Variants in RNF152 observed in about 807,000 individuals in gnomAD.
RNF152 encodes E3 ubiquitin-protein ligase RNF152.
A neutral mutation model predicts 12.7 loss-of-function variants in RNF152; 11 were observed. The observed-to-expected ratio is 0.86, with a 90% confidence interval of 0.54 to 1.43. The LOEUF is 1.43. Among genes scored for constraint, RNF152 ranks in the 40% most tolerant of loss-of-function variants. RNF152 has a pLI of 0.00. For synonymous variants in RNF152, 113 were observed against 120.3 expected, an observed-to-expected ratio of 0.94 and a Z score of 0.40; for missense variants, 255 against 274.8, an observed-to-expected ratio of 0.93 and a Z score of 0.51.
intron 1 of RNF152, among the ~76,000 whole-genome samples, chr18:61,853,304 T>G (rs1375666436): frequency 6.6e-6 from 1 of 150,898 alleles, no homozygotes; most frequent in Non-Finnish European, 1.5e-5. Flanking sequence ...CCCTTTTTTT[T>G]TTTTTTTTTT....
rs561078640 is a variant in RNF152 at position 61,814,913 on chromosome 18, C to T, written c.*939G>A. On this transcript the variant is annotated 3_prime_UTR_variant, in exon 2 of 2. Coordinates refer to ENST00000312828, the MANE Select transcript of RNF152 (RefSeq NM_173557.3). ...TGCAGGTGACGTGTAGGAGACCACT[C>T]GCTGGGTCAAGATGTCCAAGAAGTG... 3 of 152,300 alleles carry T rather than the reference C, an allele frequency of 2.0e-5. No individual in the cohort carries two copies. The highest frequency in any genetic ancestry group is 1.9e-4 in the East Asian group (1 of 5,184). 9.4% of individuals were successfully genotyped at this position (152,300 alleles called of 1,614,324 possible).
chr18:61,887,859 C>T (rs1042331285), intron 1 of RNF152, among the ~76,000 whole-genome samples: 1 of 152,220 alleles, frequency 6.6e-6, no homozygotes, highest in Non-Finnish European at 1.5e-5. Flanking sequence ...AGTTACACTT[C>T]CTTGGTAGGT....
At chr18:61,874,787 C>T (rs1912143359) in intron 1 of RNF152, among the ~76,000 whole-genome samples, 1 of 152,146 alleles carries the variant, frequency 6.6e-6, no homozygotes, top group Non-Finnish European at 1.5e-5. Context: ...CAGTCTGGTT[C>T]TTAGCTATTG....
intron 1 of RNF152, among the ~76,000 whole-genome samples, chr18:61,853,297 T>G (rs1055729193): frequency 1.1e-4 from 7 of 62,412 alleles, no homozygotes; most frequent in Non-Finnish European, 2.2e-4. Flanking sequence ...TTCCTTGCCC[T>G]TTTTTTTTTT....
intron 1 of RNF152, among the ~76,000 whole-genome samples, chr18:61,848,230 T>A (rs1322217634): frequency 6.6e-6 from 1 of 152,040 alleles, no homozygotes; most frequent in Non-Finnish European, 1.5e-5. Context: ...TTACTAACTC[T>A]GCCCTGTCTC....
At chr18:61,841,291 C>T (rs866235837) in intron 1 of RNF152, among the ~76,000 whole-genome samples, 33 of 152,132 alleles carry the variant, frequency 2.2e-4, no homozygotes, top group African/African-American at 8.0e-4. Context: ...GTGGGAGAGG[C>T]ATGTAATAAA....
At chr18:61,889,925 T>G (rs555553146) in intron 1 of RNF152, among the ~76,000 whole-genome samples, 17 of 152,272 alleles carry the variant, frequency 1.1e-4, no homozygotes, top group Admixed American at 9.8e-4. Flanking sequence ...CACAACCTCC[T>G]AGAATCAGCC....
chr18:61,833,194 G>T (rs1910029404), intron 1 of RNF152, among the ~76,000 whole-genome samples: 1 of 152,162 alleles, frequency 6.6e-6, no homozygotes, highest in South Asian at 2.1e-4. Context: ...AACAAATACA[G>T]ATTTAAATGA....
rs141261815 is a variant in RNF152, at chr18:61,812,378, C to T, written c.*3474G>A. 8.5e-5 allele frequency: 13 copies of T among 152,210 alleles called. No homozygotes were observed. In the East Asian group the frequency reaches 1.7e-3, roughly 20 times the overall value. The allele number at this position is 152,210 out of a possible 1,614,324, so 9.4% of individuals were successfully genotyped here. The stretch of plus-strand genomic sequence containing the variant: ...TAGAAGATCTCACAGGTTATACCAT[C>T]ACATGGTTTAACCTTCAAGGGACCC... On this transcript the variant is annotated 3_prime_UTR_variant, in exon 2 of 2. Coordinates refer to ENST00000312828, the MANE Select transcript of RNF152 (RefSeq NM_173557.3).
intron 1 of RNF152, among the ~76,000 whole-genome samples, chr18:61,848,534 G>A (rs1283382783): frequency 6.6e-6 from 1 of 152,208 alleles, no homozygotes; most frequent in African/African-American, 2.4e-5. Flanking sequence ...CCCCCAGGCT[G>A]TACGTGGCCT....
chr18:61,811,007 C>CT lies in RNF152; in HGVS notation c.*4844dup, dbSNP rs1212140168. ...TTTTGCACCGATAACTTTTGAACTT[C>CT]TATCTTCCTATTAAGGCTAAAGAAA... On this transcript the variant is annotated 3_prime_UTR_variant, in exon 2 of 2. Transcript: ENST00000312828. 1.7e-4 allele frequency: 26 copies of CT among 149,386 alleles called. 1 individual carries two copies. The highest frequency in any genetic ancestry group is 1.6e-3 in the Admixed American group (24 of 14,832). The allele number at this position is 149,386 out of a possible 1,614,324, so 9.3% of individuals were successfully genotyped here. A position where few individuals can be genotyped will look rare whatever the true frequency, so the allele number is the denominator to read the frequency against.
At chr18:61,821,773 T>C (rs1399360208) in intron 1 of RNF152, among the ~76,000 whole-genome samples, 4 of 152,202 alleles carry the variant, frequency 2.6e-5, no homozygotes, top group Admixed American at 1.3e-4. Context: ...GCGATGGCAT[T>C]AGATTCTCAT....
At chr18:61,820,047 C>T (rs747154692) in intron 1 of RNF152, among the ~76,000 whole-genome samples, 1 of 130,482 alleles carries the variant, frequency 7.7e-6, no homozygotes, top group Non-Finnish European at 1.6e-5. Context: ...AAAAAGAATC[C>T]GGCCGGGCAT....
chr18:61,892,322 GAAGA>G (rs1912999946), intron 1 of RNF152, among the ~76,000 whole-genome samples: 1 of 152,170 alleles, frequency 6.6e-6, no homozygotes, highest in Non-Finnish European at 1.5e-5. Flanking sequence ...TGAAGGAACA[GAAGA>G]AAGACAGTAT....
At chr18:61,840,553 A>G (rs892257191) in intron 1 of RNF152, among the ~76,000 whole-genome samples, 1 of 152,044 alleles carries the variant, frequency 6.6e-6, no homozygotes, top group Admixed American at 6.5e-5. Context: ...TACTCTGTGC[A>G]TATGCTTCTA....
intron 1 of RNF152, among the ~76,000 whole-genome samples, chr18:61,875,373 T>A (rs1393551111): frequency 6.6e-6 from 1 of 152,230 alleles, no homozygotes; most frequent in Non-Finnish European, 1.5e-5. Context: ...TTAAGCTACA[T>A]CCTAACTTTA....
intron 1 of RNF152, among the ~76,000 whole-genome samples, chr18:61,877,069 G>A (rs540908546): frequency 6.6e-6 from 1 of 152,318 alleles, no homozygotes; most frequent in Middle Eastern, 3.4e-3. Flanking sequence ...AAATAGAACA[G>A]GCACACAGAC....
intron 1 of RNF152, among the ~76,000 whole-genome samples, chr18:61,837,008 T>C (rs1304329883): frequency 1.3e-5 from 2 of 152,176 alleles, no homozygotes; most frequent in East Asian, 3.8e-4. Flanking sequence ...TTTACAGATA[T>C]CACCTTAACC....
chr18:61,821,597 G>A (rs1015115509), intron 1 of RNF152, among the ~76,000 whole-genome samples: 2 of 152,182 alleles, frequency 1.3e-5, no homozygotes, highest in African/African-American at 2.4e-5. Context: ...CCTGTCAAGC[G>A]TGTTATAATA....
Sources: gnomAD v4.1 joint callset for allele counts (sites outside exome capture counted in the v4.1 genomes callset) on GRCh38, gnomAD v4.1.1 for gene constraint, MANE v1.5 for transcripts, NCBI Gene and HGNC (gene_info 2026-07-23, HGNC 2026-07-21) for gene names.